Variants in DNAH5 observed in about 807,000 individuals in gnomAD.
DNAH5 encodes the protein axonemal beta dynein heavy chain 5.
In DNAH5, 372 loss-of-function variants were observed where a neutral mutation model predicts 518.2. The observed-to-expected ratio is 0.72, with a 90% CI of 0.66 to 0.78. DNAH5 has a LOEUF of 0.78. Among genes scored for constraint, DNAH5 ranks in the 30% least tolerant of loss-of-function variants. DNAH5 has a pLI of 0.00. For synonymous variants in DNAH5, 2,039 were observed against 2,025.9 expected (o/e 1.01, Z -0.17); for missense variants, 5,523 against 5,687.0 (o/e 0.97, Z 0.93).
At chr5:13,998,854 T>C (rs1200166937) in intron 1 of DNAH5, among the ~76,000 whole-genome samples, 1 of 152,124 alleles carries the variant, frequency 6.6e-6, no homozygotes, top group African/African-American at 2.4e-5. Flanking sequence ...TTTCTTTTCT[T>C]TTTTCCCCAT....
rs1022783077 is a variant in DNAH5, at chr5:13,913,896, T to C, written c.1383A>G (p.Gln461=). Residue 461 remains glutamine, a synonymous_variant, in exon 11 of 79, where the codon CAA becomes CAG. Coordinates refer to ENST00000265104, the MANE Select transcript of DNAH5 (RefSeq NM_001369.3). ...QKLKQNPNAK[Q]FDFSEMYIFG... is the part of the protein sequence containing the mutation. The stretch of plus-strand genomic sequence containing the variant: ...AAATATACATCTCGCTAAAATCAAA[T>C]TGTTTTGCATTTGGATTTTGTTTAA... 11 of 1,613,624 alleles carry C rather than the reference T, an allele frequency of 6.8e-6. No individual in the cohort carries two copies. The highest frequency in any genetic ancestry group is 2.2e-5 in the East Asian group (1 of 44,854).
intron 40 of DNAH5, among the ~76,000 whole-genome samples, chr5:13,822,548 G>A (rs1762362865): frequency 6.6e-6 from 1 of 152,142 alleles, no homozygotes; most frequent in Non-Finnish European, 1.5e-5. Context: ...ACCACACCTG[G>A]CCACATTTGA....
In DNAH5 at chr5:13,838,291, A is replaced by C. The variant is rs145931775; in HGVS notation, c.5882+1065T>G. Among the ~76,000 whole-genome samples the C allele has an allele frequency of 2.3e-3, 355 of 152,316 alleles. 3 individuals are homozygous for C. The highest frequency in any genetic ancestry group is 8.4e-3 in the African/African-American group (348 of 41,572). ...AGGCCACAGACCAGTATTGGAGCTG[A>C]ATGAGGACAGAGTATTGGTCCATGG... On this transcript the variant is annotated intron_variant, in intron 35 of 78. Coordinates refer to ENST00000265104, the MANE Select transcript of DNAH5 (RefSeq NM_001369.3).
intron 1 of DNAH5, among the ~76,000 whole-genome samples, chr5:13,950,970 A>C (rs1488946883): frequency 2.0e-5 from 3 of 152,214 alleles, no homozygotes; most frequent in South Asian, 2.1e-4. Context: ...TTCAAAGTCC[A>C]TACAAATATA....
At chr5:13,795,061 G>A (rs1376691791) in intron 47 of DNAH5, among the ~76,000 whole-genome samples, 1 of 152,112 alleles carries the variant, frequency 6.6e-6, no homozygotes, top group Admixed American at 6.6e-5. Context: ...GCGTGTAGAG[G>A]GAAATTTATA....
At chr5:13,914,721 T>G (rs1561562278) in intron 9 of DNAH5, 79 bp from the exon 10 acceptor site, 1 of 1,419,272 alleles carries the variant, frequency 7.0e-7, no homozygotes, top group Non-Finnish European at 9.8e-7. Flanking sequence ...TCCTTAACTC[T>G]TCTACTTCTC....
In DNAH5 at chr5:13,938,248, G is replaced by A. The variant is rs563802037; in HGVS notation, c.57+6134C>T. ...TGATCCAGGATCACCCAAAGCACAC[G>A]GTCCCCCTGCTATACCATCAGATGG... is the stretch of plus-strand genomic sequence containing the variant. On this transcript the variant is annotated intron_variant, in intron 1 of 78. Transcript: ENST00000265104. Among the ~76,000 whole-genome samples the A allele has an allele frequency of 6.6e-5, 10 of 152,078 alleles. No homozygotes were observed. The East Asian group carries it at 1.2e-3, about 18-fold the overall frequency.
chr5:13,844,939 A>G lies in DNAH5; in HGVS notation c.5169T>C (p.Pro1723=). The change falls in exon 32 of 79, where the codon CCT becomes CCC. Residue 1723 remains proline (P), a synonymous_variant. Coordinates refer to ENST00000265104, the MANE Select transcript of DNAH5 (RefSeq NM_001369.3). ...CCTGCCCCAGAATCTCTAGAAGGGC[A>G]GGATCTGAGACGAAGAAAAACCGAG... ...CFPRFFFVSD[P]ALLEILGQAS... 1 of 1,614,190 alleles carries G rather than the reference A, an allele frequency of 6.2e-7. No individual in the cohort carries two copies. The highest frequency in any genetic ancestry group is 1.1e-5 in the South Asian group (1 of 91,082).
intron 1 of DNAH5, among the ~76,000 whole-genome samples, chr5:13,980,268 C>T (rs1385877329): frequency 6.6e-6 from 1 of 152,108 alleles, no homozygotes; most frequent in Admixed American, 6.6e-5. Flanking sequence ...GGCTCAGAGC[C>T]CAGGCTTCAG....
Position 13,839,357 on chromosome 5 carries a change from T to G in DNAH5, c.5881A>C (p.Arg1961=). ...DRLVITPLTD[R]CYITLAQALG... is the part of the protein sequence containing the mutation. ...GGTTGGGGAGAAGGGTTCCATCACC[T>G]GTCTGTAAGTGGAGTTATTACAAGC... is the stretch of plus-strand genomic sequence containing the variant. Residue 1961 remains arginine (R), a splice_region_variant and synonymous_variant, in exon 35 of 79, where the codon AGA becomes CGA. Transcript: ENST00000265104. The G allele has an allele frequency of 6.2e-7, 1 of 1,613,996 alleles. No homozygotes were observed. The highest frequency in any genetic ancestry group is 8.5e-7 in the Non-Finnish European group (1 of 1,179,864).
Position 13,807,578 on chromosome 5 carries a change from A to G in DNAH5, c.7887+13T>C. ...AAAATTGGGCTTACTGAGCCATACC[A>G]AAGAGCCAGTACCTGGAACATCAGT... On this transcript the variant is annotated intron_variant, in intron 47 of 78. Transcript: ENST00000265104. 1 of 1,613,046 alleles carries G rather than the reference A, an allele frequency of 6.2e-7. No homozygotes were observed. Among genetic ancestry groups the G allele is most frequent in the Non-Finnish European group, 8.5e-7 (1 of 1,179,342 alleles).
chr5:13,934,823 A>T (rs751833079), intron 1 of DNAH5, among the ~76,000 whole-genome samples: 9 of 152,188 alleles, frequency 5.9e-5, no homozygotes, highest in Non-Finnish European at 1.3e-4. Context: ...TAGATAATCT[A>T]CCTGTTTTCT....
intron 31 of DNAH5, 83 bp from the exon 32 acceptor site, chr5:13,845,076 G>C: frequency 7.5e-7 from 1 of 1,338,842 alleles, no homozygotes. Context: ...ATGGGAAAAG[G>C]GGAGAAGATT....
At chr5:13,980,948 C>T (rs1388326394) in intron 1 of DNAH5, among the ~76,000 whole-genome samples, 1 of 152,216 alleles carries the variant, frequency 6.6e-6, no homozygotes, top group Non-Finnish European at 1.5e-5. Context: ...CAGATAGCCA[C>T]ATGATTCTCT....
rs555024363 is a variant in DNAH5, at chr5:13,745,832, T to A, written c.11211+5246A>T. On this transcript the variant is annotated intron_variant, in intron 65 of 78. Coordinates refer to ENST00000265104, the MANE Select transcript of DNAH5 (RefSeq NM_001369.3). Reference sequence around the variant, plus strand: ...CCTAACGTCAACAGCTCTCCTTAAATCAATAAAATTTCAAATTGATATTTT... The same window carrying A: ...CCTAACGTCAACAGCTCTCCTTAAAACAATAAAATTTCAAATTGATATTTT... 7.2e-5 allele frequency among the ~76,000 whole-genome samples: 11 copies of A among 152,178 alleles called. No individual in the cohort carries two copies. The East Asian group carries it at 2.1e-3, about 29-fold the overall frequency.
At chr5:13,914,055 T>A in intron 10 of DNAH5, 97 bp from the exon 11 acceptor site, 1 of 1,444,404 alleles carries the variant, frequency 6.9e-7, no homozygotes, top group African/African-American at 1.4e-5. Context: ...GATGGAATTG[T>A]AAGCCTTTTC....
intron 1 of DNAH5, chr5:13,932,082 T>C (rs1026881973): frequency 6.6e-6 from 1 of 152,272 alleles, no homozygotes; most frequent in Admixed American, 6.5e-5. Context: ...AGAGGAAAAG[T>C]GGCCCCTCTG....
At position 13,885,090 on chromosome 5, in the gene DNAH5, T is replaced by C; in HGVS notation, c.2882A>G (p.His961Arg). 1 of 1,614,252 alleles carries C rather than the reference T, an allele frequency of 6.2e-7. No homozygotes were observed. The highest frequency in any genetic ancestry group is 8.5e-7 in the Non-Finnish European group (1 of 1,180,042). Residue 961 changes from histidine (H) to arginine (R), a missense_variant, in exon 19 of 79, where the codon CAT (histidine) becomes CGT (arginine). His to Arg is a conservative substitution (Grantham distance 29, BLOSUM62 0). This residue lies in a region of DNAH5 where 5,121 missense variants were observed against 5,223.3 expected (regional missense o/e 0.98). Transcript: ENST00000265104. ...AGCATCCATGTTCTGATGGTTGAAA[T>C]GAGAGAGTAACTCGCGGGCTTCTTC... ...LGEEARELLS[H>R]FNHQNMDALL...
intron 70 of DNAH5, among the ~76,000 whole-genome samples, chr5:13,723,713 A>G (rs1263779370): frequency 6.6e-6 from 1 of 152,248 alleles, no homozygotes; most frequent in East Asian, 1.9e-4. Context: ...TACAATCTTC[A>G]CTTATCACAA....
Sources: gnomAD v4.1 joint callset for allele counts (sites outside exome capture counted in the v4.1 genomes callset) on GRCh38, gnomAD v4.1.1 for gene constraint, gnomAD v4.1.1 regional missense constraint, MANE v1.5 for transcripts, NCBI Gene and HGNC (gene_info 2026-07-23, HGNC 2026-07-21) for gene names.